Variants in FMO5 observed in about 807,000 individuals in gnomAD.
The protein encoded by FMO5 is flavin containing dimethylaniline monoxygenase 5, also known as flavin-containing monooxygenase 5.
Under a neutral mutation model 43.6 loss-of-function variants are expected in FMO5, and 51 were observed. That is an observed-to-expected ratio of 1.17 (90% CI 0.93 to 1.48). The LOEUF is 1.48. FMO5 is among the 40% of genes most tolerant of loss of function. The probability of loss-of-function intolerance (pLI) is 0.00; values close to 1 mark genes in which losing one functional copy is unlikely to be tolerated. For missense variants in FMO5, 644 were observed against 643.0 expected (o/e 1.00, Z -0.02); for synonymous variants, 187 against 216.5 (o/e 0.86, Z 1.20).
At chr1:147,197,167 C>T (rs1658154965) in intron 7 of FMO5, among the ~76,000 whole-genome samples, 1 of 152,104 alleles carries the variant, frequency 6.6e-6, no homozygotes, top group South Asian at 2.1e-4. Context: ...CTTGCAGTTC[C>T]CAGAACTCTA....
intron 6 of FMO5, chr1:147,205,025 G>T: frequency 1.4e-6 from 1 of 727,418 alleles, no homozygotes. Flanking sequence ...GATACATTCA[G>T]TCACTCTTCC....
chr1:147,219,174 C>T (rs1453295591), intron 2 of FMO5, among the ~76,000 whole-genome samples: 1 of 151,974 alleles, frequency 6.6e-6, no homozygotes, highest in Non-Finnish European at 1.5e-5. Context: ...TTAAAAATGG[C>T]GTATGATATA....
At chr1:147,207,573 A>G (rs967465825) in intron 6 of FMO5, among the ~76,000 whole-genome samples, 4 of 152,002 alleles carry the variant, frequency 2.6e-5, no homozygotes, top group African/African-American at 7.2e-5. Flanking sequence ...TGAGTCTGCC[A>G]TTTATTATTT....
chr1:147,206,464 G>A (rs1259517886), intron 6 of FMO5, among the ~76,000 whole-genome samples: 5 of 152,116 alleles, frequency 3.3e-5, no homozygotes, highest in Non-Finnish European at 7.3e-5. Flanking sequence ...ACATGCACAC[G>A]TATGTTTATT....
At chr1:147,217,398 T>C (rs985972111) in intron 2 of FMO5, among the ~76,000 whole-genome samples, 22 of 152,180 alleles carry the variant, frequency 1.4e-4, no homozygotes, top group African/African-American at 5.3e-4. Context: ...TTTCAAAAAT[T>C]GTTTTGACTA....
In FMO5 at chr1:147,204,420, T is replaced by C. The variant is rs77104582; in HGVS notation, c.831-2916A>G. On this transcript the variant is annotated intron_variant, in intron 6 of 8. Coordinates refer to ENST00000254090, the MANE Select transcript of FMO5 (RefSeq NM_001461.4). ...CCAGAAATACTTCATTACCATATTG[T>C]TTACACATTACAGAGGTACGAAGTA... The C allele has an allele frequency of 2.4e-3, 2,811 of 1,176,890 alleles. 50 individuals are homozygous for C. The African/African-American group carries it at 0.038, about 16-fold the overall frequency. The allele number at this position is 1,176,890 out of a possible 1,614,324, so 72.9% of individuals were successfully genotyped here.
chr1:147,195,975 C>CA (rs1553919698), intron 7 of FMO5, among the ~76,000 whole-genome samples: 1 of 152,110 alleles, frequency 6.6e-6, no homozygotes, highest in Non-Finnish European at 1.5e-5. Flanking sequence ...TGACTCTTTG[C>CA]ATTTGCACCA....
chr1:147,205,626 T>C (rs1659854924), intron 6 of FMO5, among the ~76,000 whole-genome samples: 1 of 152,168 alleles, frequency 6.6e-6, no homozygotes, highest in Non-Finnish European at 1.5e-5. Flanking sequence ...TCTACAACTA[T>C]TTGATCTTTG....
intron 7 of FMO5, among the ~76,000 whole-genome samples, chr1:147,194,646 C>T (rs1340339346): frequency 6.6e-6 from 1 of 152,014 alleles, no homozygotes; most frequent in Non-Finnish European, 1.5e-5. Flanking sequence ...TGGCTGGTAC[C>T]GGTTGTTCCT....
At chr1:147,201,815 A>G (rs28381211) in intron 6 of FMO5, among the ~76,000 whole-genome samples, 2,186 of 152,284 alleles carry the variant, frequency 0.014, 55 homozygotes, top group African/African-American at 0.051. Context: ...CCACAGGTCA[A>G]TAGTTTGTAT....
chr1:147,192,525 C>G (rs1228355940), intron 7 of FMO5, among the ~76,000 whole-genome samples: 1 of 151,838 alleles, frequency 6.6e-6, no homozygotes, highest in Non-Finnish European at 1.5e-5. Context: ...CCTAATTGCC[C>G]TGGCCAGAAT....
downstream of FMO5, among the ~76,000 whole-genome samples, chr1:147,186,104 A>C (rs28381225): frequency 6.6e-6 from 1 of 152,182 alleles, no homozygotes; most frequent in Non-Finnish European, 1.5e-5. Context: ...GCTACTTATC[A>C]TATTTCCTAA....
chr1:147,191,444 G>T (rs782597605), intron 7 of FMO5, among the ~76,000 whole-genome samples: 1 of 152,124 alleles, frequency 6.6e-6, no homozygotes, highest in Non-Finnish European at 1.5e-5. Context: ...GCGATGATGA[G>T]AATTTTTTCA....
chr1:147,198,152 A>G (rs1049542941), intron 7 of FMO5, among the ~76,000 whole-genome samples: 2 of 152,212 alleles, frequency 1.3e-5, no homozygotes, highest in African/African-American at 4.8e-5. Flanking sequence ...GGCTTTTAAC[A>G]TAACTGGAAA....
At position 147,208,841 on chromosome 1, in the gene FMO5, T is replaced by G. The variant is rs1442414749; in HGVS notation, c.830+11A>C. The G allele has an allele frequency of 2.5e-6, 4 of 1,612,386 alleles. No homozygotes were observed. The East Asian group carries it at 8.9e-5, about 36-fold the overall frequency. The stretch of plus-strand genomic sequence containing the variant: ...GGCCACTATCCCTGCACTCCCATCC[T>G]GGGAACATACCTGTGTTTAGGCTTC... On this transcript the variant is annotated intron_variant, in intron 6 of 8. Transcript: ENST00000254090.
chr1:147,186,906 G>T lies in FMO5; in HGVS notation c.1596C>A (p.Tyr532Ter). 2 of 1,611,678 alleles carry T rather than the reference G, an allele frequency of 1.2e-6. No homozygotes were observed. Among genetic ancestry groups the T allele is most frequent in the Non-Finnish European group, 1.7e-6 (2 of 1,178,812 alleles). ...GGCAGTGACAATAGGACAACTAGAA[G>T]TAAGCTATAATTATAGCAAAGAAGG... Reference protein sequence around the residue: ...ALAFFAIIIAYF With the variant: ...ALAFFAIIIA The change falls in exon 9 of 9, where the codon TAC becomes TAA. Residue 532 changes from tyrosine to a stop codon, truncating the protein, a stop_gained. Coordinates refer to ENST00000254090, the MANE Select transcript of FMO5 (RefSeq NM_001461.4). LOFTEE classifies it high-confidence loss of function.
At position 147,224,921 on chromosome 1, in the gene FMO5, C is replaced by T. The variant is rs1391184417; in HGVS notation, c.109G>A (p.Asp37Asn). 5 of 1,613,954 alleles carry T rather than the reference C, an allele frequency of 3.1e-6. No homozygotes were observed. In the African/African-American group the frequency reaches 4.0e-5, roughly 13 times the overall value. ...LEPVCFERTD[D>N]IGGLWRFQEN... ...TGGAACCTCCAGAGCCCTCCGATGT[C>T]ATCAGTCCTTTCAAAGCAGACAGGT... The change falls in exon 2 of 9, where the codon GAC becomes AAC. Residue 37 changes from aspartate (D) to asparagine (N), a missense_variant. Transcript: ENST00000254090.
chr1:147,189,730 G>T (rs1343807007), intron 8 of FMO5, among the ~76,000 whole-genome samples: 1 of 152,162 alleles, frequency 6.6e-6, no homozygotes, highest in Admixed American at 6.5e-5. Context: ...ACTTGAGTGT[G>T]CTGTCACATG....
chr1:147,216,006 T>C (rs28381178), intron 2 of FMO5, 64 bp from the exon 3 acceptor site: 82 of 1,293,614 alleles, frequency 6.3e-5, no homozygotes, highest in South Asian at 1.5e-4. Flanking sequence ...TAATAGCCAA[T>C]AGACATCTGA....
Sources: allele counts gnomAD v4.1 joint callset (sites outside exome capture counted in the v4.1 genomes callset), GRCh38; gene constraint gnomAD v4.1.1; transcripts MANE v1.5; gene names NCBI Gene and HGNC (gene_info 2026-07-23, HGNC 2026-07-21).